CADM2: variants seen among roughly 807,000 people sequenced by gnomAD.
CADM2 encodes cell adhesion molecule 2.
Under a neutral mutation model 49.8 loss-of-function variants are expected in CADM2, and 12 were observed. The ratio of observed to expected loss-of-function variants is 0.24; its 90% CI spans 0.15 to 0.39. The LOEUF (loss-of-function observed/expected upper bound fraction) is 0.39, where lower values mean the gene tolerates loss of function less well. CADM2 is among the 10% of genes least tolerant of loss of function. The pLI, the probability that CADM2 is intolerant of heterozygous loss-of-function variation, is 1.00. For missense variants in CADM2, 378 were observed against 492.3 expected (o/e 0.77, Z 2.20); for synonymous variants, 214 against 175.4 (o/e 1.22, Z -1.74).
intron 1 of CADM2, among the ~76,000 whole-genome samples, chr3:85,193,670 C>T (rs2041267432): frequency 6.6e-6 from 1 of 152,004 alleles, no homozygotes; most frequent in Admixed American, 6.6e-5. Context: ...TACAGTCACT[C>T]CTCACTCCAA....
At chr3:85,939,314 T>C (rs542710778) in intron 7 of CADM2, among the ~76,000 whole-genome samples, 2 of 152,034 alleles carry the variant, frequency 1.3e-5, no homozygotes, top group Non-Finnish European at 1.5e-5. Flanking sequence ...TACATGTCTG[T>C]CCATTGTTTT....
At chr3:85,498,323 G>A (rs935434393) in intron 1 of CADM2, among the ~76,000 whole-genome samples, 1 of 152,068 alleles carries the variant, frequency 6.6e-6, no homozygotes, top group African/African-American at 2.4e-5. Flanking sequence ...AACAACAACT[G>A]TTAGATAAGC....
intron 1 of CADM2, among the ~76,000 whole-genome samples, chr3:85,224,042 T>G (rs2042097658): frequency 1.3e-5 from 2 of 152,188 alleles, no homozygotes; most frequent in African/African-American, 4.8e-5. Context: ...TTTGCTATTG[T>G]GAAGAGTGCT....
intron 8 of CADM2, among the ~76,000 whole-genome samples, chr3:85,989,428 G>C (rs1728492493): frequency 6.6e-6 from 1 of 152,010 alleles, no homozygotes; most frequent in Non-Finnish European, 1.5e-5. Context: ...GAGGACACTG[G>C]GGGACAGGGG....
chr3:85,042,557 G>A (rs912104678), intron 1 of CADM2, among the ~76,000 whole-genome samples: 1 of 151,590 alleles, frequency 6.6e-6, no homozygotes, highest in Non-Finnish European at 1.5e-5. Context: ...TTTTTTGACC[G>A]GGTTTCATTT....
intron 3 of CADM2, among the ~76,000 whole-genome samples, chr3:85,844,715 T>C (rs1429794784): frequency 6.6e-6 from 1 of 152,152 alleles, no homozygotes; most frequent in Admixed American, 6.6e-5. Context: ...TTCTTGATAT[T>C]AGTATATTAA....
At chr3:85,733,678 C>T (rs563699248) in intron 2 of CADM2, among the ~76,000 whole-genome samples, 58 of 152,218 alleles carry the variant, frequency 3.8e-4, no homozygotes, top group Middle Eastern at 6.8e-3. Flanking sequence ...GCCATGAAAA[C>T]AAGGCTCAAT....
At chr3:85,603,621 C>T (rs1418816639) in intron 1 of CADM2, among the ~76,000 whole-genome samples, 1 of 151,834 alleles carries the variant, frequency 6.6e-6, no homozygotes, top group Admixed American at 6.6e-5. Flanking sequence ...GGCTCAGCAC[C>T]TGTCTCCCAG....
intron 1 of CADM2, among the ~76,000 whole-genome samples, chr3:85,308,976 G>A (rs2044279966): frequency 6.6e-6 from 1 of 152,082 alleles, no homozygotes; most frequent in African/African-American, 2.4e-5. Context: ...CACTGATGAA[G>A]TCCCTGTGCT....
intron 1 of CADM2, among the ~76,000 whole-genome samples, chr3:85,320,947 T>C (rs1017563821): frequency 6.0e-5 from 9 of 150,662 alleles, no homozygotes; most frequent in Admixed American, 2.7e-4. Context: ...TTTTAAATTC[T>C]ACCAGTATCC....
chr3:85,121,639 G>A (rs555235648), intron 1 of CADM2, among the ~76,000 whole-genome samples: 2 of 152,130 alleles, frequency 1.3e-5, no homozygotes, highest in Non-Finnish European at 2.9e-5. Context: ...GATATATTTT[G>A]TGTTATTTAG....
At chr3:85,485,539 C>T (rs2039383297) in intron 1 of CADM2, among the ~76,000 whole-genome samples, 1 of 152,016 alleles carries the variant, frequency 6.6e-6, no homozygotes, top group African/African-American at 2.4e-5. Context: ...CATGCGCAGT[C>T]TGCCACAGTT....
At chr3:85,126,898 C>A (rs2039052266) in intron 1 of CADM2, among the ~76,000 whole-genome samples, 1 of 152,026 alleles carries the variant, frequency 6.6e-6, no homozygotes, top group South Asian at 2.1e-4. Flanking sequence ...GGAAAAGTAC[C>A]TGGATCAAGA....
intron 1 of CADM2, among the ~76,000 whole-genome samples, chr3:85,202,566 G>T (rs772424356): frequency 1.3e-5 from 2 of 152,090 alleles, no homozygotes; most frequent in African/African-American, 4.8e-5. Flanking sequence ...TGTCATATGG[G>T]CTTTTTGTTT....
chr3:85,852,244 A>T (rs1347734394), intron 3 of CADM2, among the ~76,000 whole-genome samples: 1 of 152,118 alleles, frequency 6.6e-6, no homozygotes, highest in Non-Finnish European at 1.5e-5. Flanking sequence ...TACTGTGCCT[A>T]TAACTGCTCC....
chr3:85,575,711 T>A (rs1231318738), intron 1 of CADM2, among the ~76,000 whole-genome samples: 1 of 152,220 alleles, frequency 6.6e-6, no homozygotes, highest in Non-Finnish European at 1.5e-5. Context: ...ACAAAAAGTA[T>A]GTTTTGAGAT....
At chr3:85,638,533 T>G (rs923579452) in intron 1 of CADM2, among the ~76,000 whole-genome samples, 2 of 152,116 alleles carry the variant, frequency 1.3e-5, no homozygotes, top group African/African-American at 4.8e-5. Context: ...TTATAAGAAA[T>G]TCACATAATG....
chr3:85,438,227 A>G (rs2037024734), intron 1 of CADM2, among the ~76,000 whole-genome samples: 1 of 152,108 alleles, frequency 6.6e-6, no homozygotes, highest in Admixed American at 6.6e-5. Context: ...TAACAAAAAA[A>G]TTTACTTATC....
At chr3:85,040,698 A>T (rs1352517967) in intron 1 of CADM2, among the ~76,000 whole-genome samples, 7 of 152,216 alleles carry the variant, frequency 4.6e-5, no homozygotes, top group African/African-American at 9.6e-5. Flanking sequence ...GCAAAAACAC[A>T]AGCACAGTCC....
Sources: gnomAD v4.1 joint callset for allele counts (sites outside exome capture counted in the v4.1 genomes callset) on GRCh38, gnomAD v4.1.1 for gene constraint, MANE v1.5 for transcripts, NCBI Gene and HGNC (gene_info 2026-07-23, HGNC 2026-07-21) for gene names.